The following PCDHGA7 variants were observed in gnomAD, a reference collection of about 807,000 sequenced individuals.
The protein encoded by PCDHGA7 is protocadherin gamma-A7.
PCDHGA7 carries 44 observed loss-of-function variants against 58.3 expected under a neutral mutation model. The observed-to-expected ratio is 0.75, with a 90% confidence interval of 0.59 to 0.97. The LOEUF is 0.97. PCDHGA7 is among the 50% of genes least tolerant of loss of function. The pLI is 0.00. For missense variants in PCDHGA7, 1,266 were observed against 1,188.7 expected (o/e 1.06, Z -0.96); for synonymous variants, 516 against 504.2 (o/e 1.02, Z -0.31).
intron 1 of PCDHGA7, among the ~76,000 whole-genome samples, chr5:141,467,475 T>C (rs2099144764): frequency 6.6e-6 from 1 of 152,248 alleles, no homozygotes; most frequent in Non-Finnish European, 1.5e-5. Flanking sequence ...GCATGGTTTT[T>C]GGTTTCCACA....
At chr5:141,481,747 T>A (rs1319673737) in intron 1 of PCDHGA7, among the ~76,000 whole-genome samples, 3 of 151,684 alleles carry the variant, frequency 2.0e-5, no homozygotes, top group African/African-American at 7.3e-5. Flanking sequence ...AGGTCAGGAG[T>A]CCAAGACCAG....
In PCDHGA7 at chr5:141,384,773, A is replaced by C. The variant is rs775593747; in HGVS notation, c.1874A>C (p.Glu625Ala). ...GLFAVGLYTG[E>A]VRTARALLDR... Reference sequence around the variant, plus strand: ...TTTGCGGTTGGGCTGTACACGGGCGAGGTGCGCACGGCTCGGGCCCTGCTG... The same window carrying C: ...TTTGCGGTTGGGCTGTACACGGGCGCGGTGCGCACGGCTCGGGCCCTGCTG... The change falls in exon 1 of 4, where the codon GAG (glutamate) becomes GCG (alanine). Residue 625 changes from glutamate to alanine, a missense_variant. By Grantham distance (107) the Glu-to-Ala change is moderately radical (BLOSUM62 -1). Transcript: ENST00000518325. 6.2e-6 allele frequency: 10 copies of C among 1,613,726 alleles called. No homozygotes were observed. Among genetic ancestry groups the C allele is most frequent in the Middle Eastern group, 1.6e-4 (1 of 6,084 alleles).
At position 141,489,097 on chromosome 5, in the gene PCDHGA7, C is replaced by A; in HGVS notation, c.2425-5710C>A. ...ACCCCCGCCACTCGGTGACTAAGAA[C>A]TGCTGCAAGCAGGCAAACCTCCGAG... On this transcript the variant is annotated intron_variant, in intron 1 of 3. Transcript: ENST00000518325. This position sits in a 1 kb window ranked among gnomAD's most constrained non-coding sequence, Gnocchi z 4.5. The A allele has an allele frequency of 2.6e-5, 8 of 313,358 alleles. No homozygotes were observed. Among genetic ancestry groups the A allele is most frequent in the Non-Finnish European group, 3.5e-5 (6 of 172,456 alleles). The allele number at this position is 313,358 out of a possible 1,614,324, so 19.4% of individuals were successfully genotyped here. A position where few individuals can be genotyped will look rare whatever the true frequency, so the allele number is the denominator to read the frequency against.
At position 141,409,955 on chromosome 5, in the gene PCDHGA7, G is replaced by A. The variant is rs946959934; in HGVS notation, c.2424+24632G>A. On this transcript the variant is annotated intron_variant, in intron 1 of 3. Coordinates refer to ENST00000518325, the MANE Select transcript of PCDHGA7 (RefSeq NM_018920.4). ...TATGGTACCTCGCTCTGCAGAGCCC[G>A]GCTACCTAGTGACTAAGGTGGTAGC... is the stretch of plus-strand genomic sequence containing the variant. The A allele has an allele frequency of 2.8e-5, 45 of 1,613,234 alleles. No individual in the cohort carries two copies. The highest frequency in any genetic ancestry group is 3.6e-5 in the Non-Finnish European group (42 of 1,179,814).
At chr5:141,484,801 A>G (rs1285617622) in intron 1 of PCDHGA7, among the ~76,000 whole-genome samples, 3 of 152,024 alleles carry the variant, frequency 2.0e-5, no homozygotes, top group African/African-American at 7.2e-5. Flanking sequence ...CAACCCGTGG[A>G]AAAACATGCC....
intron 2 of PCDHGA7, among the ~76,000 whole-genome samples, chr5:141,503,334 C>T (rs2099819255): frequency 6.6e-6 from 1 of 152,072 alleles, no homozygotes; most frequent in Admixed American, 6.6e-5. Context: ...CGGTGGCTCA[C>T]GCCTGTAATT....
chr5:141,461,648 A>G (rs910827619), intron 1 of PCDHGA7, among the ~76,000 whole-genome samples: 2 of 152,070 alleles, frequency 1.3e-5, no homozygotes, highest in South Asian at 2.1e-4. Context: ...TCTTTGACCC[A>G]TGGATTATTT....
At chr5:141,390,341 A>T (rs766269615) in intron 1 of PCDHGA7, 5 of 1,587,538 alleles carry the variant, frequency 3.1e-6, no homozygotes, top group Non-Finnish European at 4.3e-6. Flanking sequence ...CATATTCACA[A>T]GAAAATATAC....
At chr5:141,401,936 G>A (rs950687803) in intron 1 of PCDHGA7, among the ~76,000 whole-genome samples, 1 of 152,100 alleles carries the variant, frequency 6.6e-6, no homozygotes, top group African/African-American at 2.4e-5. Flanking sequence ...TTAGAATAAT[G>A]TTTAAGACCA....
At chr5:141,453,482 A>T (rs979979155) in intron 1 of PCDHGA7, among the ~76,000 whole-genome samples, 1 of 151,990 alleles carries the variant, frequency 6.6e-6, no homozygotes, top group Non-Finnish European at 1.5e-5. Context: ...CAAAACTATT[A>T]AAAAAAGGTG....
Position 141,498,864 on chromosome 5 carries a change from C to T in PCDHGA7, c.2483+3999C>T, listed in dbSNP as rs1370263013. Among the ~76,000 whole-genome samples the T allele has an allele frequency of 2.7e-5, 4 of 149,532 alleles. No homozygotes were observed. The East Asian group carries it at 5.9e-4, about 22-fold the overall frequency. ...AGGGGAATCGCTTGAACCCAGGAGG[C>T]GGAGGTTGCAGTGAGCTGAGATCAC... On this transcript the variant is annotated intron_variant, in intron 2 of 3. Coordinates refer to ENST00000518325, the MANE Select transcript of PCDHGA7 (RefSeq NM_018920.4).
chr5:141,388,541 T>C, intron 1 of PCDHGA7: 1 of 1,613,800 alleles, frequency 6.2e-7, no homozygotes, highest in Non-Finnish European at 8.5e-7. Flanking sequence ...ACTTTGGAGC[T>C]CCACCCCTAA....
chr5:141,402,394 G>T (rs928311359), intron 1 of PCDHGA7, among the ~76,000 whole-genome samples: 5 of 151,852 alleles, frequency 3.3e-5, no homozygotes, highest in Non-Finnish European at 7.4e-5. Context: ...AATTACTTCA[G>T]AAAATTGTTA....
intron 1 of PCDHGA7, chr5:141,440,036 A>T (rs540100930): frequency 6.5e-6 from 1 of 153,058 alleles, no homozygotes; most frequent in Non-Finnish European, 1.5e-5. Context: ...TGTCGAGGAC[A>T]TGCCCACTTG....
At position 141,384,882 on chromosome 5, in the gene PCDHGA7, C is replaced by T. The variant is rs951463054; in HGVS notation, c.1983C>T (p.Thr661=). The change falls in exon 1 of 4, where the codon ACC becomes ACT. Residue 661 remains threonine (T), a synonymous_variant. Coordinates refer to ENST00000518325, the MANE Select transcript of PCDHGA7 (RefSeq NM_018920.4). ...QPPLSATVTL[T]VAVADSIPEV... is the part of the protein sequence containing the mutation. ...CTCTGTCAGCCACCGTCACACTCAC[C>T]GTGGCTGTGGCTGACAGCATCCCCG... 1 of 1,613,754 alleles carries T rather than the reference C, an allele frequency of 6.2e-7. No individual in the cohort carries two copies. The highest frequency in any genetic ancestry group is 1.3e-5 in the African/African-American group (1 of 74,954).
intron 1 of PCDHGA7, chr5:141,478,233 TG>T (rs1467423955): frequency 3.7e-6 from 6 of 1,614,126 alleles, no homozygotes; most frequent in Non-Finnish European, 5.1e-6. Flanking sequence ...GTGGGGTTTG[TG>T]GTCACAGTGT....
At position 141,459,716 on chromosome 5, in the gene PCDHGA7, C is replaced by T. The variant is rs1592633942; in HGVS notation, c.2425-35091C>T. On this transcript the variant is annotated intron_variant, in intron 1 of 3. Coordinates refer to ENST00000518325, the MANE Select transcript of PCDHGA7 (RefSeq NM_018920.4). ...CGCTTGCTACATTTTCTCACCAATG[C>T]TTCCTATTGTCAATTTTTTAAATTT... is the stretch of plus-strand genomic sequence containing the variant. Among the ~76,000 whole-genome samples the T allele has an allele frequency of 2.0e-5, 3 of 152,334 alleles. No homozygotes were observed. In the South Asian group the frequency reaches 6.2e-4, roughly 32 times the overall value.
intron 1 of PCDHGA7, among the ~76,000 whole-genome samples, chr5:141,454,371 G>A (rs901551817): frequency 6.6e-6 from 1 of 152,096 alleles, no homozygotes; most frequent in Non-Finnish European, 1.5e-5. Context: ...AAGGAGTATG[G>A]CAACTTGTCA....
intron 1 of PCDHGA7, chr5:141,389,021 A>G: frequency 6.2e-7 from 1 of 1,614,004 alleles, no homozygotes; most frequent in Non-Finnish European, 8.5e-7. Context: ...ACAATGGAGA[A>G]GTGACTTGTA....
Sources: allele counts gnomAD v4.1 joint callset (sites outside exome capture counted in the v4.1 genomes callset), GRCh38; gene constraint gnomAD v4.1.1; non-coding constraint Gnocchi (gnomAD v3.1); transcripts MANE v1.5; gene names NCBI Gene and HGNC (gene_info 2026-07-23, HGNC 2026-07-21).